Variants in TMEM132E observed in about 807,000 individuals in gnomAD.
TMEM132E encodes transmembrane protein 132E.
Under a neutral mutation model 78.5 loss-of-function variants are expected in TMEM132E, and 49 were observed. The observed-to-expected ratio is 0.62, with a 90% CI of 0.50 to 0.79. TMEM132E has a LOEUF of 0.79. TMEM132E is among the 30% of genes least tolerant of loss of function. The probability of loss-of-function intolerance (pLI) is 0.00; values close to 1 mark genes in which losing one functional copy is unlikely to be tolerated. For missense variants in TMEM132E, 1,403 were observed against 1,470.9 expected (o/e 0.95, Z 0.75); for synonymous variants, 715 against 670.6 (o/e 1.07, Z -1.02).
intron 1 of TMEM132E, among the ~76,000 whole-genome samples, chr17:34,583,918 TAC>T (rs1163370437): frequency 6.6e-6 from 1 of 152,240 alleles, no homozygotes; most frequent in Non-Finnish European, 1.5e-5. Flanking sequence ...TGGGCACCTC[TAC>T]ACTGTTCCCA....
Position 34,629,001 on chromosome 17 carries a change from T to C in TMEM132E, c.1146-11T>C. ...CATCCTCTGCTCTCCTTCCCTCCCC[T>C]ACCCTGGCAGGGAGGGCCAGGGCCC... On this transcript the variant is annotated splice_polypyrimidine_tract_variant and intron_variant, in intron 3 of 8. Transcript: ENST00000631683. 6.5e-7 allele frequency: 1 copy of C among 1,548,220 alleles called. No individual in the cohort carries two copies.
At position 34,632,888 on chromosome 17, in the gene TMEM132E, T is replaced by C; in HGVS notation, c.1667T>C (p.Val556Ala). The C allele has an allele frequency of 1.2e-6, 2 of 1,614,054 alleles. No individual in the cohort carries two copies. The highest frequency in any genetic ancestry group is 1.7e-6 in the Non-Finnish European group (2 of 1,179,990). Reference protein sequence around the residue: ...ARLSQVKGWRVPILPDRRSVR... With the variant: ...ARLSQVKGWRAPILPDRRSVR... The stretch of plus-strand genomic sequence containing the variant: ...CTCAGCCAAGTGAAGGGCTGGAGGG[T>C]ACCTATCCTCCCCGACCGGAGGTAC... Residue 556 changes from valine to alanine, a missense_variant, in exon 6 of 9, where the codon GTA becomes GCA. This residue lies in a region of TMEM132E where 888 missense variants were observed against 952.8 expected (regional missense o/e 0.93). Transcript: ENST00000631683.
chr17:34,604,519 C>T lies in TMEM132E; in HGVS notation c.68-21608C>T, dbSNP rs146266275. ...GCCCCTGTGATCTGAACTTGCCTTG[C>T]CTGTTCTCCTGTGTCATCACCTGCG... On this transcript the variant is annotated intron_variant, in intron 1 of 8. Coordinates refer to ENST00000631683, the MANE Select transcript of TMEM132E (RefSeq NM_001304438.2). Among the ~76,000 whole-genome samples, 266 of 152,286 alleles carry T rather than the reference C, an allele frequency of 1.7e-3. 2 individuals carry two copies. The highest frequency in any genetic ancestry group is 6.1e-3 in the African/African-American group (255 of 41,580).
Position 34,627,046 on chromosome 17 carries a change from C to T in TMEM132E, c.987C>T (p.His329=), listed in dbSNP as rs202101289. ...SSSPSSPSVE[H]FTLRVKAKKG... is the part of the protein sequence containing the mutation. ...CGCCCTCCAGCCCCAGCGTGGAGCACTTCACACTCAGGTAGTAGGGAAGAT... is the reference window on the plus strand; with the variant it reads ...CGCCCTCCAGCCCCAGCGTGGAGCATTTCACACTCAGGTAGTAGGGAAGAT... The change falls in exon 2 of 9, where the codon CAC becomes CAT. Residue 329 remains histidine (H), a synonymous_variant. Coordinates refer to ENST00000631683, the MANE Select transcript of TMEM132E (RefSeq NM_001304438.2). 1 of 1,613,384 alleles carries T rather than the reference C, an allele frequency of 6.2e-7. No homozygotes were observed. The highest frequency in any genetic ancestry group is 2.2e-5 in the East Asian group (1 of 44,842).
chr17:34,628,424 A>G, intron 2 of TMEM132E, 139 bp from the exon 3 acceptor site: 2 of 992,862 alleles, frequency 2.0e-6, no homozygotes, highest in Non-Finnish European at 2.9e-6. Flanking sequence ...TGAAACATTC[A>G]TCTGAAACAT....
rs1905412895 is a variant in TMEM132E at position 34,580,151 on chromosome 17, A to ATGG, written c.-924_-922dup. ...AGCCCCTCTGCATCTTACAGCGTTT[A>ATGG]TGGTCATCAAGCTGGAGTCGACGTC... On this transcript the variant is annotated 5_prime_UTR_variant, in exon 1 of 9. Transcript: ENST00000631683. The ATGG allele has an allele frequency of 6.6e-6, 1 of 152,334 alleles. No individual in the cohort carries two copies. The highest frequency in any genetic ancestry group is 1.5e-5 in the Non-Finnish European group (1 of 68,168). 9.4% of individuals were successfully genotyped at this position (152,334 alleles called of 1,614,324 possible).
Position 34,592,041 on chromosome 17 carries a change from TG to T in TMEM132E, c.67+10901del, listed in dbSNP as rs781601860. Among the ~76,000 whole-genome samples the T allele has an allele frequency of 4.4e-4, 67 of 152,366 alleles. 1 individual carries two copies. The highest frequency in any genetic ancestry group is 6.8e-3 in the Middle Eastern group (2 of 294). On this transcript the variant is annotated intron_variant, in intron 1 of 8. Coordinates refer to ENST00000631683, the MANE Select transcript of TMEM132E (RefSeq NM_001304438.2). Reference sequence around the variant, plus strand: ...CTTGCCTAGAGCCAGGCCTTACTGCTGGGAAGCATGTTTAAGACAGTGCCAA... The same window carrying T: ...CTTGCCTAGAGCCAGGCCTTACTGCTGGAAGCATGTTTAAGACAGTGCCAA...
rs370822986 is a variant in TMEM132E, at chr17:34,638,265, C to T, written c.*33C>T. ...AGCCGGAGTAGCAGGGACCCCCCCC[C>T]CCAACGGGGTCAGCTCGGGGTAGGA... On this transcript the variant is annotated 3_prime_UTR_variant, in exon 9 of 9. Transcript: ENST00000631683. 7 of 1,470,662 alleles carry T rather than the reference C, an allele frequency of 4.8e-6. No homozygotes were observed. The highest frequency in any genetic ancestry group is 4.2e-5 in the South Asian group (3 of 71,250). The allele number at this position is 1,470,662 out of a possible 1,614,324, so 91.1% of individuals were successfully genotyped here.
rs755698766 is a variant in TMEM132E, at chr17:34,628,715, C to T, written c.1145+6C>T. On this transcript the variant is annotated splice_donor_region_variant and intron_variant, in intron 3 of 8. Coordinates refer to ENST00000631683, the MANE Select transcript of TMEM132E (RefSeq NM_001304438.2). The stretch of plus-strand genomic sequence containing the variant: ...AGCACACCCCTGCCCCCCAGGTGAG[C>T]CCGAGGTGGTGCATCTACCCACCTC... 3.5e-5 allele frequency: 55 copies of T among 1,579,558 alleles called. No homozygotes were observed. The highest frequency in any genetic ancestry group is 1.8e-4 in the Middle Eastern group (1 of 5,486).
rs3220449 is a variant in TMEM132E, at chr17:34,600,426, A to AGTGTGTGTGTGTGT, written c.67+19307_67+19320dup. On this transcript the variant is annotated intron_variant, in intron 1 of 8. Coordinates refer to ENST00000631683, the MANE Select transcript of TMEM132E (RefSeq NM_001304438.2). ...CGTTTGTTAAGTTTGAGCGTATATG[A>AGTGTGTGTGTGTGT]GTGTGTGTGTGTGTGTGTGTGTGTG... Among the ~76,000 whole-genome samples the AGTGTGTGTGTGTGT allele has an allele frequency of 6.7e-3, 960 of 144,018 alleles. 3 individuals carry two copies. Among genetic ancestry groups the AGTGTGTGTGTGTGT allele is most frequent in the South Asian group, 0.018 (79 of 4,278 alleles). 94.5% of individuals were successfully genotyped at this position (144,018 alleles called of 152,430 possible).
chr17:34,612,987 C>A (rs1906640973), intron 1 of TMEM132E, among the ~76,000 whole-genome samples: 1 of 151,970 alleles, frequency 6.6e-6, no homozygotes, highest in Admixed American at 6.5e-5. Flanking sequence ...CCCCATGTCC[C>A]CCACCCTGCA....
At chr17:34,592,413 A>G (rs1905903632) in intron 1 of TMEM132E, among the ~76,000 whole-genome samples, 1 of 152,176 alleles carries the variant, frequency 6.6e-6, no homozygotes, top group South Asian at 2.1e-4. Flanking sequence ...CTGTCTACAC[A>G]CTGCCAGGAC....
At chr17:34,627,111 C>A in intron 2 of TMEM132E, 54 bp downstream of exon 2, 1 of 1,559,868 alleles carries the variant, frequency 6.4e-7, no homozygotes, top group Non-Finnish European at 8.8e-7. Context: ...CAAATGCATA[C>A]CTGACTCCTT....
At chr17:34,613,791 G>C (rs1398743051) in intron 1 of TMEM132E, among the ~76,000 whole-genome samples, 1 of 152,154 alleles carries the variant, frequency 6.6e-6, no homozygotes, top group South Asian at 2.1e-4. Context: ...GCCCTGGGGG[G>C]TTGGTGGCAG....
intron 1 of TMEM132E, among the ~76,000 whole-genome samples, chr17:34,617,823 C>T (rs1321801966): frequency 1.3e-5 from 2 of 152,136 alleles, no homozygotes; most frequent in African/African-American, 4.8e-5. Context: ...TTTTAAATGG[C>T]ATTTATTTTT....
intron 1 of TMEM132E, among the ~76,000 whole-genome samples, chr17:34,595,817 G>T (rs771758447): frequency 3.9e-5 from 6 of 152,198 alleles, no homozygotes; most frequent in African/African-American, 1.4e-4. Context: ...GGTCACAGCT[G>T]TGGGTAACCT....
intron 1 of TMEM132E, among the ~76,000 whole-genome samples, chr17:34,617,239 GC>G (rs1250910687): frequency 6.6e-6 from 1 of 152,232 alleles, no homozygotes; most frequent in Non-Finnish European, 1.5e-5. Flanking sequence ...GAAAGAAACT[GC>G]CCAAGGTTAC....
chr17:34,626,466 C>G lies in TMEM132E; in HGVS notation c.407C>G (p.Pro136Arg), dbSNP rs1193739396. The G allele has an allele frequency of 6.2e-7, 1 of 1,612,974 alleles. No homozygotes were observed. The highest frequency in any genetic ancestry group is 1.1e-5 in the South Asian group (1 of 91,026). ...VRAFIVRSHV[P>R]ASQPVVQVLF... ...GCCTTCATCGTCCGCTCGCACGTGC[C>G]CGCCTCGCAGCCCGTGGTCCAGGTG... is the stretch of plus-strand genomic sequence containing the variant. Residue 136 changes from proline to arginine, a missense_variant, in exon 2 of 9, where the codon CCC (proline) becomes CGC (arginine). Coordinates refer to ENST00000631683, the MANE Select transcript of TMEM132E (RefSeq NM_001304438.2).
In TMEM132E at chr17:34,638,300, G is replaced by A. The variant is rs1907617561; in HGVS notation, c.*68G>A. ...TCAGCTCGGGGTAGGACACAGCCGG[G>A]ACCCCGGTTCACACTGACTCTGGGC... is the stretch of plus-strand genomic sequence containing the variant. On this transcript the variant is annotated 3_prime_UTR_variant, in exon 9 of 9. Coordinates refer to ENST00000631683, the MANE Select transcript of TMEM132E (RefSeq NM_001304438.2). 1 of 1,418,668 alleles carries A rather than the reference G, an allele frequency of 7.0e-7. No individual in the cohort carries two copies. The highest frequency in any genetic ancestry group is 9.3e-7 in the Non-Finnish European group (1 of 1,069,686). The allele number at this position is 1,418,668 out of a possible 1,614,324, so 87.9% of individuals were successfully genotyped here.
Sources: gnomAD v4.1 joint callset for allele counts (sites outside exome capture counted in the v4.1 genomes callset) on GRCh38, gnomAD v4.1.1 for gene constraint, gnomAD v4.1.1 regional missense constraint, MANE v1.5 for transcripts, NCBI Gene and HGNC (gene_info 2026-07-23, HGNC 2026-07-21) for gene names.